Variants in BMPR1A observed in about 807,000 individuals in gnomAD.
BMPR1A encodes bone morphogenetic protein receptor type 1A.
Under a neutral mutation model 66.0 loss-of-function variants are expected in BMPR1A, and 7 were observed. The ratio of observed to expected loss-of-function variants is 0.11; its 90% CI spans 0.06 to 0.20. The LOEUF is 0.20. BMPR1A is among the 10% of genes least tolerant of loss of function. The pLI is 1.00. For synonymous variants in BMPR1A, 200 were observed against 229.7 expected (o/e 0.87, Z 1.17); for missense variants, 408 against 669.1 (o/e 0.61, Z 4.31).
At chr10:86,891,649 G>A (rs1327754488) in intron 4 of BMPR1A, among the ~76,000 whole-genome samples, 1 of 152,068 alleles carries the variant, frequency 6.6e-6, no homozygotes, top group Admixed American at 6.6e-5. Context: ...AGTAAAAGGT[G>A]CCTTTTAGTC....
chr10:86,762,254 G>A (rs766238003), intron 1 of BMPR1A, among the ~76,000 whole-genome samples: 79 of 152,212 alleles, frequency 5.2e-4, no homozygotes, highest in Non-Finnish European at 9.4e-4. Flanking sequence ...ATCTGGCAGA[G>A]GAAGACATAG....
chr10:86,841,769 G>A (rs771758407), intron 2 of BMPR1A, among the ~76,000 whole-genome samples: 6 of 152,042 alleles, frequency 3.9e-5, no homozygotes, highest in Non-Finnish European at 5.9e-5. Context: ...TTCAGTTCCC[G>A]CCCCCACCAA....
In BMPR1A at chr10:86,916,057, T is replaced by C. The variant is rs7099327; in HGVS notation, c.676-1077T>C. 7.3e-3 allele frequency among the ~76,000 whole-genome samples: 1,114 copies of C among 152,306 alleles called. 10 individuals are homozygous for C. The highest frequency in any genetic ancestry group is 0.026 in the African/African-American group (1,074 of 41,562). On this transcript the variant is annotated intron_variant, in intron 8 of 12. Transcript: ENST00000372037. ...GCAGCAACTGAGAGGTTTTGTGTGC[T>C]ATGAAGGTGTTTAAGTGAGAAAATA...
At position 86,927,327 on chromosome 10, in the gene BMPR1A, CA is replaced by C. The variant is rs1843759505; in HGVS notation, c.*3609del. ...TTCTAAATATCTAAAATCATTTCAA[CA>C]GCAGAAATGATTTTTATTTTAACAA... is the stretch of plus-strand genomic sequence containing the variant. On this transcript the variant is annotated 3_prime_UTR_variant, in exon 13 of 13. Transcript: ENST00000372037. The C allele has an allele frequency of 2.6e-5, 5 of 193,032 alleles. No homozygotes were observed. Among genetic ancestry groups the C allele is most frequent in the Admixed American group, 6.1e-5 (1 of 16,412 alleles). 12.0% of individuals were successfully genotyped at this position (193,032 alleles called of 1,614,324 possible).
At chr10:86,795,939 A>G (rs961151395) in intron 1 of BMPR1A, among the ~76,000 whole-genome samples, 2 of 152,218 alleles carry the variant, frequency 1.3e-5, no homozygotes, top group African/African-American at 2.4e-5. Context: ...TTTTGAGGGG[A>G]AAAAAATAAC....
intron 8 of BMPR1A, among the ~76,000 whole-genome samples, chr10:86,916,219 T>C (rs1843565565): frequency 6.6e-6 from 1 of 152,214 alleles, no homozygotes; most frequent in African/African-American, 2.4e-5. Flanking sequence ...CCAGGCCAGA[T>C]CAGGCAGGGT....
rs1060504904 is a variant in BMPR1A, at chr10:86,899,790, T to C, written c.334-4T>C. 1 of 1,611,984 alleles carries C rather than the reference T, an allele frequency of 6.2e-7. No individual in the cohort carries two copies. Among genetic ancestry groups the C allele is most frequent in the Non-Finnish European group, 8.5e-7 (1 of 1,177,998 alleles). ...TTCTAATTTTATCATTACTCTTCTT[T>C]TAGGATTCTCCAAAAGCCCAGCTAC... On this transcript the variant is annotated splice_region_variant and splice_polypyrimidine_tract_variant and intron_variant, in intron 5 of 12. Coordinates refer to ENST00000372037, the MANE Select transcript of BMPR1A (RefSeq NM_004329.3).
At chr10:86,853,713 G>C (rs1017892766) in intron 2 of BMPR1A, among the ~76,000 whole-genome samples, 5 of 152,180 alleles carry the variant, frequency 3.3e-5, no homozygotes, top group African/African-American at 1.2e-4. Flanking sequence ...CCCACAAGCC[G>C]TGAAACCAGC....
intron 8 of BMPR1A, among the ~76,000 whole-genome samples, chr10:86,916,032 G>A (rs895773715): frequency 1.9e-4 from 29 of 152,288 alleles, no homozygotes; most frequent in South Asian, 1.0e-3. Context: ...TGTGTTAAGC[G>A]CAGCAACTGA....
At position 86,923,417 on chromosome 10, in the gene BMPR1A, C is replaced by T. The variant is rs1358264691; in HGVS notation, c.1384C>T (p.Pro462Ser). 6.2e-7 allele frequency: 1 copy of T among 1,614,132 alleles called. No individual in the cohort carries two copies. The highest frequency in any genetic ancestry group is 1.1e-5 in the South Asian group (1 of 91,078). ...CCAATTGCCATATTACAACATGGTA[C>T]CGAGTGATCCGTCATACGAAGATAT... ...EYQLPYYNMVPSDPSYEDMRE... is the reference protein window; with the variant it reads ...EYQLPYYNMVSSDPSYEDMRE... The change falls in exon 12 of 13, where the codon CCG becomes TCG. Residue 462 changes from proline (P) to serine (S), a missense_variant. This residue lies in a region of BMPR1A where 130 missense variants were observed against 257.3 expected (regional missense o/e 0.51). Coordinates refer to ENST00000372037, the MANE Select transcript of BMPR1A (RefSeq NM_004329.3).
At chr10:86,798,664 G>C (rs1266226628) in intron 1 of BMPR1A, among the ~76,000 whole-genome samples, 12 of 152,226 alleles carry the variant, frequency 7.9e-5, no homozygotes, top group Admixed American at 7.2e-4. Context: ...CCACTTCACT[G>C]TAAGGGAGCA....
intron 2 of BMPR1A, among the ~76,000 whole-genome samples, chr10:86,847,379 C>A (rs1447797428): frequency 6.6e-6 from 1 of 151,952 alleles, no homozygotes; most frequent in Non-Finnish European, 1.5e-5. Flanking sequence ...CTCGGTGTCA[C>A]AGATACTCCA....
intron 1 of BMPR1A, among the ~76,000 whole-genome samples, chr10:86,774,092 C>T (rs1468483739): frequency 2.6e-5 from 4 of 152,082 alleles, no homozygotes; most frequent in South Asian, 2.1e-4. Context: ...CTCAGATGAT[C>T]GCCCGCCTCG....
At chr10:86,788,853 C>A (rs1464199402) in intron 1 of BMPR1A, among the ~76,000 whole-genome samples, 1 of 152,110 alleles carries the variant, frequency 6.6e-6, no homozygotes, top group Non-Finnish European at 1.5e-5. Flanking sequence ...GCGATTCACC[C>A]ACCTCAGTCT....
At chr10:86,832,731 T>C (rs903527276) in intron 1 of BMPR1A, among the ~76,000 whole-genome samples, 1 of 152,194 alleles carries the variant, frequency 6.6e-6, no homozygotes, top group African/African-American at 2.4e-5. Flanking sequence ...TCATGTATGC[T>C]GTAATGTGTA....
intron 4 of BMPR1A, among the ~76,000 whole-genome samples, chr10:86,890,943 C>T (rs1163483075): frequency 2.0e-5 from 3 of 152,120 alleles, no homozygotes; most frequent in Admixed American, 2.0e-4. Context: ...GAAACATTGA[C>T]ATATTGACTT....
At position 86,898,303 on chromosome 10, in the gene BMPR1A, A is replaced by T. The variant is rs558364755; in HGVS notation, c.334-1491A>T. On this transcript the variant is annotated intron_variant, in intron 5 of 12. Coordinates refer to ENST00000372037, the MANE Select transcript of BMPR1A (RefSeq NM_004329.3). ...ATACATGTTTATATGAAATGTTTATATAAAAATATAACATTCCATTATCTA... is the reference window on the plus strand; with the variant it reads ...ATACATGTTTATATGAAATGTTTATTTAAAAATATAACATTCCATTATCTA... 3.9e-5 allele frequency among the ~76,000 whole-genome samples: 6 copies of T among 152,138 alleles called. No individual in the cohort carries two copies. In the East Asian group the frequency reaches 1.2e-3, roughly 29 times the overall value.
chr10:86,757,876 GAAAA>G (rs898559663), intron 1 of BMPR1A, among the ~76,000 whole-genome samples: 1 of 151,728 alleles, frequency 6.6e-6, no homozygotes, highest in Non-Finnish European at 1.5e-5. Flanking sequence ...GAATTAGGAA[GAAAA>G]AAAACCAAAA....
intron 1 of BMPR1A, among the ~76,000 whole-genome samples, chr10:86,768,291 G>A (rs1841200054): frequency 6.6e-6 from 1 of 152,104 alleles, no homozygotes; most frequent in Admixed American, 6.5e-5. Context: ...CGTGAGTAAA[G>A]TTTCTTTAAA....
Sources: allele counts gnomAD v4.1 joint callset (sites outside exome capture counted in the v4.1 genomes callset), GRCh38; gene constraint gnomAD v4.1.1; regional missense constraint gnomAD v4.1.1; transcripts MANE v1.5; gene names NCBI Gene and HGNC (gene_info 2026-07-23, HGNC 2026-07-21).